NDST4: variants seen among roughly 807,000 people sequenced by gnomAD.
NDST4 encodes the protein N-heparan sulfate sulfotransferase 4.
A neutral mutation model predicts 100.8 loss-of-function variants in NDST4; 63 were observed. That is an observed-to-expected ratio of 0.62 (90% CI 0.51 to 0.77). The LOEUF is 0.77. Ranked by LOEUF, NDST4 falls within the 30% of genes least tolerant of loss-of-function variation. The pLI is 0.00. For missense variants in NDST4, 943 were observed against 1,018.4 expected (o/e 0.93, Z 1.01); for synonymous variants, 377 against 361.8 (o/e 1.04, Z -0.48).
chr4:114,947,961 C>T (rs974955319), intron 4 of NDST4, among the ~76,000 whole-genome samples: 2 of 151,942 alleles, frequency 1.3e-5, no homozygotes, highest in East Asian at 1.9e-4. Flanking sequence ...ATGTCCTTTT[C>T]GAAGCTGTCT....
rs1727865186 is a variant in NDST4, at chr4:115,022,406, T to TATATGTGTTCCATATATATGTGTTCC, written c.979-45133_979-45132insGGAACACATATATATGGAACACATAT. 1.1e-3 allele frequency among the ~76,000 whole-genome samples: 76 copies of TATATGTGTTCCATATATATGTGTTCC among 68,116 alleles called. 3 individuals are homozygous for TATATGTGTTCCATATATATGTGTTCC. Among genetic ancestry groups the TATATGTGTTCCATATATATGTGTTCC allele is most frequent in the South Asian group, 2.1e-3 (5 of 2,336 alleles). 44.7% of individuals were successfully genotyped at this position (68,116 alleles called of 152,430 possible). A position where few individuals can be genotyped will look rare whatever the true frequency, so the allele number is the denominator to read the frequency against. ...ATGTGTTCCATATATATGTGTTCCA[T>TATATGTGTTCCATATATATGTGTTCC]ATATATGTGTTCCATATATATGTGT... On this transcript the variant is annotated intron_variant, in intron 2 of 13. Transcript: ENST00000264363.
At chr4:115,096,747 C>T (rs919087510) in intron 1 of NDST4, among the ~76,000 whole-genome samples, 2 of 152,064 alleles carry the variant, frequency 1.3e-5, no homozygotes. Flanking sequence ...TCTTTTTTAT[C>T]ATGATTCACT....
chr4:114,961,273 CTAT>C (rs1164150730), intron 4 of NDST4, among the ~76,000 whole-genome samples: 1 of 151,264 alleles, frequency 6.6e-6, no homozygotes, highest in African/African-American at 2.4e-5. Flanking sequence ...AGTCAATAAC[CTAT>C]TATTTCTCCG....
At chr4:115,031,834 T>G (rs952484901) in intron 2 of NDST4, among the ~76,000 whole-genome samples, 7 of 152,084 alleles carry the variant, frequency 4.6e-5, no homozygotes, top group Non-Finnish European at 1.0e-4. Flanking sequence ...CTACTCTTTT[T>G]GGGATGTGTC....
chr4:114,833,560 T>C (rs892860135), intron 12 of NDST4, 46 bp downstream of exon 12: 3 of 1,269,836 alleles, frequency 2.4e-6, no homozygotes, highest in African/African-American at 2.9e-5. Flanking sequence ...TGATAATTTA[T>C]GATGGCAAAT....
intron 6 of NDST4, among the ~76,000 whole-genome samples, chr4:114,876,392 G>T (rs1253813170): frequency 6.6e-6 from 1 of 152,122 alleles, no homozygotes; most frequent in East Asian, 1.9e-4. Flanking sequence ...CATCTGATGG[G>T]CTTTGGCATT....
intron 2 of NDST4, among the ~76,000 whole-genome samples, chr4:114,993,786 AG>A (rs1328788363): frequency 6.6e-6 from 1 of 151,942 alleles, no homozygotes; most frequent in Non-Finnish European, 1.5e-5. Context: ...TTGCTTTTCT[AG>A]TTTTCAGTTG....
At chr4:115,019,074 T>A (rs1727751463) in intron 2 of NDST4, among the ~76,000 whole-genome samples, 3 of 152,032 alleles carry the variant, frequency 2.0e-5, no homozygotes, top group Admixed American at 1.3e-4. Flanking sequence ...CCAGCCTAAT[T>A]CTTGTTCTCA....
chr4:115,060,111 G>A (rs1365727108), intron 2 of NDST4, among the ~76,000 whole-genome samples: 1 of 151,920 alleles, frequency 6.6e-6, no homozygotes, highest in Non-Finnish European at 1.5e-5. Flanking sequence ...GTGGCTATTT[G>A]GGCATACAAA....
intron 2 of NDST4, among the ~76,000 whole-genome samples, chr4:115,053,179 A>C (rs1728621496): frequency 6.6e-6 from 1 of 152,164 alleles, no homozygotes; most frequent in Non-Finnish European, 1.5e-5. Flanking sequence ...CCCAGAGAGC[A>C]ACAAACACAG....
chr4:115,088,610 T>C (rs1729453160), intron 1 of NDST4, among the ~76,000 whole-genome samples: 2 of 151,950 alleles, frequency 1.3e-5, no homozygotes, highest in South Asian at 4.1e-4. Context: ...CTCATGCCCA[T>C]GTTCATAACA....
At chr4:115,050,774 G>A (rs1728565523) in intron 2 of NDST4, among the ~76,000 whole-genome samples, 1 of 152,030 alleles carries the variant, frequency 6.6e-6, no homozygotes, top group African/African-American at 2.4e-5. Context: ...CACCAAAAGA[G>A]CAATTATTAG....
chr4:114,998,557 A>G (rs1399026559), intron 2 of NDST4, among the ~76,000 whole-genome samples: 1 of 152,072 alleles, frequency 6.6e-6, no homozygotes, highest in Non-Finnish European at 1.5e-5. Context: ...CTGGGCAAGA[A>G]TTAAAAGCAG....
intron 2 of NDST4, among the ~76,000 whole-genome samples, chr4:115,004,693 C>T (rs1321963233): frequency 6.6e-6 from 1 of 152,126 alleles, no homozygotes; most frequent in Non-Finnish European, 1.5e-5. Context: ...GAAAGTTATT[C>T]TACTATAACA....
At chr4:114,931,494 G>C (rs1246506459) in intron 6 of NDST4, among the ~76,000 whole-genome samples, 2 of 150,580 alleles carry the variant, frequency 1.3e-5, no homozygotes, top group Non-Finnish European at 3.0e-5. Context: ...GCAGAAAGAA[G>C]AAAAAAATAA....
At chr4:114,899,231 G>T (rs1724782670) in intron 6 of NDST4, among the ~76,000 whole-genome samples, 1 of 152,136 alleles carries the variant, frequency 6.6e-6, no homozygotes, top group Admixed American at 6.5e-5. Flanking sequence ...AGGCTGGAGT[G>T]CAGTGGCACA....
At chr4:114,996,288 C>T (rs538513291) in intron 2 of NDST4, among the ~76,000 whole-genome samples, 4 of 152,028 alleles carry the variant, frequency 2.6e-5, no homozygotes, top group Non-Finnish European at 4.4e-5. Context: ...TTCTCTTTCC[C>T]GCTGCCCCTG....
At chr4:114,963,196 T>C (rs1456734167) in intron 4 of NDST4, among the ~76,000 whole-genome samples, 3 of 152,044 alleles carry the variant, frequency 2.0e-5, no homozygotes, top group Non-Finnish European at 2.9e-5. Flanking sequence ...GGAATGGATA[T>C]ATAATAGGTA....
chr4:114,936,178 T>C (rs540653086), intron 5 of NDST4, among the ~76,000 whole-genome samples: 1 of 152,222 alleles, frequency 6.6e-6, no homozygotes, highest in South Asian at 2.1e-4. Context: ...AAAGGAAAGG[T>C]AAAGGGAAAC....
Sources: allele counts gnomAD v4.1 joint callset (sites outside exome capture counted in the v4.1 genomes callset), GRCh38; gene constraint gnomAD v4.1.1; transcripts MANE v1.5; gene names NCBI Gene and HGNC (gene_info 2026-07-23, HGNC 2026-07-21).